The following SYNE1 variants were observed in gnomAD, a reference collection of about 807,000 sequenced individuals.
The protein encoded by SYNE1 is nesprin-1.
A neutral mutation model predicts 1,111.0 loss-of-function variants in SYNE1; 616 were observed. The observed-to-expected ratio is 0.55, with a 90% CI of 0.52 to 0.59. The LOEUF (loss-of-function observed/expected upper bound fraction) is 0.59. Among genes scored for constraint, SYNE1 ranks in the 20% least tolerant of loss-of-function variants. SYNE1 has a pLI of 0.00. For missense variants in SYNE1, 10,006 were observed against 10,417.0 expected (o/e 0.96, Z 1.72); for synonymous variants, 3,855 against 3,825.8 (o/e 1.01, Z -0.28).
At chr6:152,263,843 T>C (rs1203848515) in intron 100 of SYNE1, among the ~76,000 whole-genome samples, 1 of 152,096 alleles carries the variant, frequency 6.6e-6, no homozygotes, top group Non-Finnish European at 1.5e-5. Flanking sequence ...TGCATGATTA[T>C]GAGAATGAAA....
At chr6:152,206,653 C>A (rs1478128484) in intron 125 of SYNE1, among the ~76,000 whole-genome samples, 1 of 152,074 alleles carries the variant, frequency 6.6e-6, no homozygotes, top group African/African-American at 2.4e-5. Flanking sequence ...CACCAAGAGG[C>A]AGAGAGGCTT....
At chr6:152,491,372 G>A (rs533318026) in intron 11 of SYNE1, among the ~76,000 whole-genome samples, 2 of 152,186 alleles carry the variant, frequency 1.3e-5, no homozygotes, top group Admixed American at 6.5e-5. Context: ...TTACAGCCCA[G>A]GGCTGCTCAC....
chr6:152,464,339 T>C (rs1304151638), intron 18 of SYNE1, among the ~76,000 whole-genome samples: 3 of 152,168 alleles, frequency 2.0e-5, no homozygotes, highest in Admixed American at 1.3e-4. Flanking sequence ...TTCCTACATA[T>C]ATAAATAGAT....
intron 10 of SYNE1, among the ~76,000 whole-genome samples, chr6:152,501,921 A>G (rs1425186464): frequency 2.0e-5 from 3 of 152,218 alleles, no homozygotes; most frequent in Non-Finnish European, 4.4e-5. Flanking sequence ...ATAAAATTGT[A>G]TGGATACCAT....
At chr6:152,616,252 C>T (rs757082560) in intron 3 of SYNE1, among the ~76,000 whole-genome samples, 19 of 152,020 alleles carry the variant, frequency 1.2e-4, no homozygotes, top group Middle Eastern at 6.8e-3. Flanking sequence ...ATAAGTAAGC[C>T]GTAGACAGGT....
At chr6:152,401,398 A>G (rs2097815489) in intron 46 of SYNE1, 57 bp from the exon 47 acceptor site, 3 of 1,547,432 alleles carry the variant, frequency 1.9e-6, no homozygotes, top group Non-Finnish European at 2.7e-6. Context: ...ATACTCATTC[A>G]GTAGAAATTC....
chr6:152,474,834 G>C (rs980466482), intron 14 of SYNE1, among the ~76,000 whole-genome samples: 3 of 152,034 alleles, frequency 2.0e-5, no homozygotes, highest in Non-Finnish European at 4.4e-5. Flanking sequence ...TAACTTTCTT[G>C]CTAGTAGAAA....
intron 3 of SYNE1, among the ~76,000 whole-genome samples, chr6:152,552,934 A>G (rs1293724438): frequency 5.3e-5 from 8 of 152,102 alleles, no homozygotes; most frequent in Admixed American, 3.9e-4. Flanking sequence ...TCACAAATAA[A>G]TTTCCTGAGT....
rs146234260 is a variant in SYNE1, at chr6:152,527,525, A to G, written c.130-1350T>C. Among the ~76,000 whole-genome samples, 596 of 152,328 alleles carry G rather than the reference A, an allele frequency of 3.9e-3. 10 individuals carry two copies. Among genetic ancestry groups the G allele is most frequent in the Admixed American group, 0.028 (423 of 15,302 alleles). On this transcript the variant is annotated intron_variant, in intron 4 of 145. Coordinates refer to ENST00000367255, the MANE Select transcript of SYNE1 (RefSeq NM_182961.4). ...TCATCAGAATAAAAGAAGCCATTACAAAGAAAACTATTTGGTGCAATAAGA... is the reference window on the plus strand; with the variant it reads ...TCATCAGAATAAAAGAAGCCATTACGAAGAAAACTATTTGGTGCAATAAGA...
Position 152,331,520 on chromosome 6 carries a change from C to T in SYNE1, c.13165G>A (p.Ala4389Thr). Reference protein sequence around the residue: ...MAQNLLMDHLAICSELEAKQM... With the variant: ...MAQNLLMDHLTICSELEAKQM... ...TTGGCCTCCAGTTCACTGCAGATGG[C>T]CAGGTGATCCATGAGAAGGTTCTGA... Residue 4389 changes from alanine (A) to threonine (T), a missense_variant, in exon 78 of 146, where the codon GCC (alanine) becomes ACC (threonine). Ala to Thr is a moderately conservative substitution (Grantham distance 58). Transcript: ENST00000367255. 6.2e-7 allele frequency: 1 copy of T among 1,614,004 alleles called. No homozygotes were observed. The highest frequency in any genetic ancestry group is 8.5e-7 in the Non-Finnish European group (1 of 1,179,996).
intron 123 of SYNE1, among the ~76,000 whole-genome samples, chr6:152,212,202 A>C (rs2077652025): frequency 6.6e-6 from 1 of 152,160 alleles, no homozygotes; most frequent in African/African-American, 2.4e-5. Context: ...TACAGACTTT[A>C]CAATCATTAC....
chr6:152,480,460 G>T (rs998611927), intron 14 of SYNE1, among the ~76,000 whole-genome samples: 7 of 152,196 alleles, frequency 4.6e-5, no homozygotes, highest in Non-Finnish European at 7.3e-5. Context: ...AGAAGAGGTT[G>T]CAATGAGCCA....
At chr6:152,123,648 T>G (rs2813560) in intron 145 of SYNE1, among the ~76,000 whole-genome samples, 30,723 of 152,110 alleles carry the variant, frequency 0.2, 3,119 homozygotes, top group Non-Finnish European at 0.21. Context: ...AAATGTTGTT[T>G]ACGACAGGCA....
chr6:152,464,550 C>T (rs1348452338), intron 18 of SYNE1, among the ~76,000 whole-genome samples: 3 of 152,068 alleles, frequency 2.0e-5, no homozygotes, highest in Non-Finnish European at 4.4e-5. Context: ...ATCTACTTGT[C>T]CAAACAATAA....
chr6:152,131,757 G>A (rs1000548446), intron 144 of SYNE1, among the ~76,000 whole-genome samples: 6 of 152,214 alleles, frequency 3.9e-5, no homozygotes, highest in South Asian at 4.2e-4. Context: ...CAGCCGAGGC[G>A]CCCCGCAAGT....
rs548560919 is a variant in SYNE1 at position 152,332,985 on chromosome 6, C to T, written c.12794+1023G>A. ...ATATTTACTGGACTAATCCCAAAGACGAGTAAATGTTAAGTATCAAAGAAA... is the reference window on the plus strand; with the variant it reads ...ATATTTACTGGACTAATCCCAAAGATGAGTAAATGTTAAGTATCAAAGAAA... On this transcript the variant is annotated intron_variant, in intron 77 of 145. Coordinates refer to ENST00000367255, the MANE Select transcript of SYNE1 (RefSeq NM_182961.4). Among the ~76,000 whole-genome samples, 437 of 54,638 alleles carry T rather than the reference C, an allele frequency of 8.0e-3. 3 individuals carry two copies. Among genetic ancestry groups the T allele is most frequent in the African/African-American group, 0.067 (423 of 6,354 alleles). The allele number at this position is 54,638 out of a possible 152,430, so 35.8% of individuals were successfully genotyped here.
chr6:152,404,388 G>A, intron 45 of SYNE1, 74 bp from the exon 46 acceptor site: 2 of 1,205,464 alleles, frequency 1.7e-6, no homozygotes, highest in Middle Eastern at 2.8e-4. Flanking sequence ...ATTTCAAGAA[G>A]AGCTAACTTT....
intron 101 of SYNE1, among the ~76,000 whole-genome samples, chr6:152,258,735 C>CT (rs1382285709): frequency 6.6e-6 from 1 of 151,048 alleles, no homozygotes; most frequent in Non-Finnish European, 1.5e-5. Flanking sequence ...TCTCCTTTTT[C>CT]TTTTTTTCTT....
In SYNE1 at chr6:152,392,833, T is replaced by C. The variant is rs186526873; in HGVS notation, c.7713-1265A>G. On this transcript the variant is annotated intron_variant, in intron 51 of 145. Transcript: ENST00000367255. Reference sequence around the variant, plus strand: ...AGAGATTTCCCTTCTTACTATGAGATAAATTGCTTAATGCATGATAAAAAT... The same window carrying C: ...AGAGATTTCCCTTCTTACTATGAGACAAATTGCTTAATGCATGATAAAAAT... Among the ~76,000 whole-genome samples, 633 of 152,358 alleles carry C rather than the reference T, an allele frequency of 4.2e-3. 8 individuals carry two copies. The highest frequency in any genetic ancestry group is 5.9e-3 in the Non-Finnish European group (402 of 68,026).
Sources: allele counts gnomAD v4.1 joint callset (sites outside exome capture counted in the v4.1 genomes callset), GRCh38; gene constraint gnomAD v4.1.1; transcripts MANE v1.5; gene names NCBI Gene and HGNC (gene_info 2026-07-23, HGNC 2026-07-21).